ZMAT4: variants seen among roughly 807,000 people sequenced by gnomAD.
The protein encoded by ZMAT4 is zinc finger matrin-type 4.
A neutral mutation model predicts 28.7 loss-of-function variants in ZMAT4; 17 were observed. That is an observed-to-expected ratio of 0.59 (90% CI 0.41 to 0.89). The LOEUF (loss-of-function observed/expected upper bound fraction) is 0.89, where lower values mean the gene tolerates loss of function less well. Among genes scored for constraint, ZMAT4 ranks in the 40% least tolerant of loss-of-function variants. ZMAT4 has a pLI of 0.00. For synonymous variants in ZMAT4, 117 were observed against 109.2 expected (o/e 1.07, Z -0.44); for missense variants, 240 against 283.8 (o/e 0.85, Z 1.11).
At chr8:40,574,503 A>G (rs1804197725) in intron 6 of ZMAT4, among the ~76,000 whole-genome samples, 5 of 152,214 alleles carry the variant, frequency 3.3e-5, no homozygotes, top group Admixed American at 3.3e-4. Flanking sequence ...ATAAGTAAGG[A>G]GACAACAGCA....
chr8:40,555,943 G>A (rs554081725), intron 6 of ZMAT4, among the ~76,000 whole-genome samples: 1 of 152,246 alleles, frequency 6.6e-6, no homozygotes, highest in East Asian at 1.9e-4. Context: ...CCCACTTCTA[G>A]ACTATGCAGA....
intron 5 of ZMAT4, among the ~76,000 whole-genome samples, chr8:40,582,623 C>T (rs992772252): frequency 3.4e-4 from 51 of 152,196 alleles, no homozygotes; most frequent in African/African-American, 1.1e-3. Flanking sequence ...TTTTAACAGG[C>T]AAAGTTATTC....
At chr8:40,881,479 GA>G (rs1412373221) in intron 1 of ZMAT4, among the ~76,000 whole-genome samples, 6 of 140,804 alleles carry the variant, frequency 4.3e-5, no homozygotes, top group Admixed American at 2.2e-4. Flanking sequence ...AAGAAAGAAA[GA>G]AAGAAAGAAA....
intron 2 of ZMAT4, among the ~76,000 whole-genome samples, chr8:40,818,894 G>C (rs1284612191): frequency 6.6e-6 from 1 of 152,182 alleles, no homozygotes; most frequent in Non-Finnish European, 1.5e-5. Flanking sequence ...AGAGTCTATG[G>C]GAGAAAAGGC....
At chr8:40,658,617 CAT>C (rs1483425629) in intron 5 of ZMAT4, among the ~76,000 whole-genome samples, 101 of 76,186 alleles carry the variant, frequency 1.3e-3, no homozygotes, top group African/African-American at 3.7e-3. Flanking sequence ...GCGTTAGACA[CAT>C]ACACACACAC....
intron 2 of ZMAT4, among the ~76,000 whole-genome samples, chr8:40,815,909 C>G (rs756865924): frequency 9.9e-5 from 15 of 152,210 alleles, no homozygotes; most frequent in African/African-American, 3.6e-4. Flanking sequence ...CTCCCAAACA[C>G]TCGGTTTCAA....
intron 5 of ZMAT4, among the ~76,000 whole-genome samples, chr8:40,589,104 C>G (rs1804766009): frequency 6.6e-6 from 1 of 152,158 alleles, no homozygotes; most frequent in African/African-American, 2.4e-5. Context: ...TATCTTTGAG[C>G]AGAAGGAAAA....
At chr8:40,726,221 T>C (rs1261129194) in intron 3 of ZMAT4, among the ~76,000 whole-genome samples, 1 of 152,214 alleles carries the variant, frequency 6.6e-6, no homozygotes, top group Non-Finnish European at 1.5e-5. Flanking sequence ...AGTCGGAACA[T>C]GTTGCCTTTT....
intron 3 of ZMAT4, among the ~76,000 whole-genome samples, chr8:40,718,981 C>A (rs1810967242): frequency 6.6e-6 from 1 of 152,178 alleles, no homozygotes; most frequent in African/African-American, 2.4e-5. Context: ...TGAGAGGAAA[C>A]TAAATGATCA....
At chr8:40,867,300 T>C (rs1169628160) in intron 1 of ZMAT4, among the ~76,000 whole-genome samples, 1 of 149,062 alleles carries the variant, frequency 6.7e-6, no homozygotes, top group African/African-American at 2.5e-5. Context: ...TTTAAGCATT[T>C]GTGTTGGGCC....
chr8:40,697,025 G>T (rs1035628132), intron 4 of ZMAT4: 3 of 423,760 alleles, frequency 7.1e-6, no homozygotes, highest in African/African-American at 2.0e-5. Flanking sequence ...TTACTTCATC[G>T]AAAGGAACTA....
chr8:40,545,601 T>G (rs534985535), intron 6 of ZMAT4, among the ~76,000 whole-genome samples: 2 of 152,214 alleles, frequency 1.3e-5, no homozygotes, highest in South Asian at 4.1e-4. Flanking sequence ...TAGAAGAGCA[T>G]GTACAAGAAG....
intron 3 of ZMAT4, among the ~76,000 whole-genome samples, chr8:40,733,810 T>C (rs1160731590): frequency 2.0e-5 from 3 of 152,194 alleles, no homozygotes; most frequent in Non-Finnish European, 4.4e-5. Context: ...CGTTCATTCA[T>C]TCAACAAATG....
intron 4 of ZMAT4, among the ~76,000 whole-genome samples, chr8:40,693,751 C>T (rs934430092): frequency 1.3e-5 from 2 of 152,210 alleles, no homozygotes; most frequent in African/African-American, 4.8e-5. Flanking sequence ...CTCTGCCAAG[C>T]ATTTCAGAAA....
intron 6 of ZMAT4, among the ~76,000 whole-genome samples, chr8:40,540,737 A>T (rs978752762): frequency 7.9e-5 from 12 of 152,188 alleles, no homozygotes; most frequent in African/African-American, 2.9e-4. Context: ...CTGTGCCCTT[A>T]AGTTGTGAAG....
chr8:40,829,432 C>A (rs1007672574), intron 1 of ZMAT4, among the ~76,000 whole-genome samples: 3 of 152,204 alleles, frequency 2.0e-5, no homozygotes, highest in Non-Finnish European at 4.4e-5. Flanking sequence ...TTTTCACGTG[C>A]TGTCCGGGGG....
At chr8:40,697,670 A>G (rs1446321933) in intron 3 of ZMAT4, among the ~76,000 whole-genome samples, 1 of 152,030 alleles carries the variant, frequency 6.6e-6, no homozygotes, top group East Asian at 1.9e-4. Context: ...CCAACCTGTC[A>G]TCTACATTAG....
chr8:40,610,205 A>G (rs1479534124), intron 5 of ZMAT4, among the ~76,000 whole-genome samples: 2 of 152,258 alleles, frequency 1.3e-5, no homozygotes, highest in African/African-American at 4.8e-5. Context: ...TTTCGTTTAT[A>G]TAATACATCC....
chr8:40,844,428 A>G (rs1225025767), intron 1 of ZMAT4, among the ~76,000 whole-genome samples: 4 of 152,166 alleles, frequency 2.6e-5, no homozygotes, highest in African/African-American at 9.7e-5. Context: ...TGAGACATCC[A>G]TCTTCTCTGG....
Sources: allele counts gnomAD v4.1 joint callset (sites outside exome capture counted in the v4.1 genomes callset), GRCh38; gene constraint gnomAD v4.1.1; transcripts MANE v1.5; gene names NCBI Gene and HGNC (gene_info 2026-07-23, HGNC 2026-07-21).